Variants in SPRED2 observed in about 807,000 individuals in gnomAD.
The protein encoded by SPRED2 is sprouty-related, EVH1 domain-containing protein 2.
Under a neutral mutation model 43.0 loss-of-function variants are expected in SPRED2, and 47 were observed. That is an observed-to-expected ratio of 1.09 (90% confidence interval 0.87 to 1.40). The LOEUF (loss-of-function observed/expected upper bound fraction) is 1.40. Among genes scored for constraint, SPRED2 ranks in the 40% most tolerant of loss-of-function variants. The probability of loss-of-function intolerance (pLI) is 0.00; values close to 1 mark genes in which losing one functional copy is unlikely to be tolerated. For missense variants in SPRED2, 561 were observed against 586.4 expected (o/e 0.96, Z 0.45); for synonymous variants, 225 against 225.7 (o/e 1.00, Z 0.03).
intron 2 of SPRED2, chr2:65,344,210 T>G (rs1272524114): frequency 6.0e-6 from 1 of 166,664 alleles, no homozygotes; most frequent in East Asian, 1.7e-4. Context: ...TTACTTTCTT[T>G]TTCCAAGCAT....
chr2:65,401,570 C>T (rs1236331003), intron 1 of SPRED2, among the ~76,000 whole-genome samples: 1 of 151,350 alleles, frequency 6.6e-6, no homozygotes, highest in Non-Finnish European at 1.5e-5. Flanking sequence ...CTGAGGCGGG[C>T]AGATCATGAG....
At chr2:65,388,716 CCA>C (rs150586956) in intron 1 of SPRED2, among the ~76,000 whole-genome samples, 26 of 151,446 alleles carry the variant, frequency 1.7e-4, no homozygotes, top group African/African-American at 5.6e-4. Context: ...AACAGGCACA[CCA>C]CACACACACA....
chr2:65,417,760 T>TA (rs1261387405), intron 1 of SPRED2, among the ~76,000 whole-genome samples: 10 of 152,262 alleles, frequency 6.6e-5, no homozygotes, highest in African/African-American at 2.4e-4. Flanking sequence ...AAATTATGTG[T>TA]AAAAAAGAGG....
chr2:65,345,218 T>C (rs1462546949), intron 1 of SPRED2, among the ~76,000 whole-genome samples: 1 of 151,928 alleles, frequency 6.6e-6, no homozygotes, highest in East Asian at 1.9e-4. Context: ...TCAGTATCTT[T>C]AGGTTGGAAA....
At chr2:65,314,270 C>T (rs531117691) in intron 5 of SPRED2, 101 bp from the exon 6 acceptor site, 157 of 1,139,428 alleles carry the variant, frequency 1.4e-4, no homozygotes, top group Non-Finnish European at 1.8e-4. Flanking sequence ...CCAAAATGCA[C>T]CTTTCTCGAT....
intron 4 of SPRED2, among the ~76,000 whole-genome samples, chr2:65,318,247 A>G (rs930074695): frequency 6.6e-6 from 1 of 152,056 alleles, no homozygotes; most frequent in African/African-American, 2.4e-5. Context: ...AGCCATGCGG[A>G]ACTGTAAGTC....
intron 1 of SPRED2, among the ~76,000 whole-genome samples, chr2:65,381,742 T>G (rs558474420): frequency 2.0e-5 from 3 of 152,132 alleles, no homozygotes; most frequent in African/African-American, 7.2e-5. Flanking sequence ...AGCAGAGAGA[T>G]CTCACCGTGT....
intron 1 of SPRED2, among the ~76,000 whole-genome samples, chr2:65,396,894 G>C (rs1271371606): frequency 1.3e-5 from 2 of 152,178 alleles, no homozygotes; most frequent in African/African-American, 2.4e-5. Context: ...TTTCCAAGAG[G>C]CTATTCTAAA....
At position 65,378,078 on chromosome 2, in the gene SPRED2, C is replaced by T. The variant is rs1256952788; in HGVS notation, c.27-33182G>A. On this transcript the variant is annotated intron_variant, in intron 1 of 5. Coordinates refer to ENST00000356388, the MANE Select transcript of SPRED2 (RefSeq NM_181784.3). The stretch of plus-strand genomic sequence containing the variant: ...AGAGAGCCCATCCAGTAAACATCAG[C>T]TGAGCCAAATTCCATTGACACCTCT... 3 of 188,560 alleles carry T rather than the reference C, an allele frequency of 1.6e-5. No homozygotes were observed. In the East Asian group the frequency reaches 3.9e-4, roughly 24 times the overall value. 11.7% of individuals were successfully genotyped at this position (188,560 alleles called of 1,614,324 possible). A position where few individuals can be genotyped will look rare whatever the true frequency, so the allele number is the denominator to read the frequency against.
intron 1 of SPRED2, among the ~76,000 whole-genome samples, chr2:65,357,603 G>T (rs1383463731): frequency 6.6e-6 from 1 of 152,202 alleles, no homozygotes; most frequent in African/African-American, 2.4e-5. Flanking sequence ...TGGAGGATAA[G>T]TTATTCCTTA....
chr2:65,402,292 A>C (rs1385501184), intron 1 of SPRED2, among the ~76,000 whole-genome samples: 10 of 151,246 alleles, frequency 6.6e-5, no homozygotes, highest in Non-Finnish European at 1.3e-4. Context: ...AAAAAAAAAA[A>C]AAAAAAAAAA....
chr2:65,401,937 G>GCGCGCGCGCGCA lies in SPRED2; in HGVS notation c.26+30024_26+30025insTGCGCGCGCGCG, dbSNP rs776512353. Among the ~76,000 whole-genome samples, 210 of 114,740 alleles carry GCGCGCGCGCGCA rather than the reference G, an allele frequency of 1.8e-3. 1 individual carries two copies. Among genetic ancestry groups the GCGCGCGCGCGCA allele is most frequent in the African/African-American group, 6.1e-3 (181 of 29,612 alleles). The allele number at this position is 114,740 out of a possible 152,430, so 75.3% of individuals were successfully genotyped here. Reference sequence around the variant, plus strand: ...ACGATCAGAATATTAGCGCGCGCGCGCACACACACACACACACACACACAC... The same window carrying GCGCGCGCGCGCA: ...ACGATCAGAATATTAGCGCGCGCGCGCGCGCGCGCGCACACACACACACACACACACACACAC... On this transcript the variant is annotated intron_variant, in intron 1 of 5. Coordinates refer to ENST00000356388, the MANE Select transcript of SPRED2 (RefSeq NM_181784.3).
At chr2:65,314,278 G>C in intron 5 of SPRED2, 109 bp from the exon 6 acceptor site, 1 of 1,024,386 alleles carries the variant, frequency 9.8e-7, no homozygotes, top group South Asian at 1.7e-5. Flanking sequence ...CACCTTTCTC[G>C]ATAACTCCAT....
At chr2:65,326,418 G>A (rs1673618176) in intron 4 of SPRED2, among the ~76,000 whole-genome samples, 1 of 152,208 alleles carries the variant, frequency 6.6e-6, no homozygotes, top group Non-Finnish European at 1.5e-5. Flanking sequence ...GGAACAGGTA[G>A]CTCCGGCTCA....
intron 1 of SPRED2, among the ~76,000 whole-genome samples, chr2:65,357,530 C>T (rs986474129): frequency 2.0e-5 from 3 of 152,180 alleles, no homozygotes; most frequent in Non-Finnish European, 4.4e-5. Context: ...TGACAACCCC[C>T]GATCACACTT....
At chr2:65,377,782 TC>T (rs1229062109) in intron 1 of SPRED2, 3 of 458,432 alleles carry the variant, frequency 6.5e-6, no homozygotes, top group Non-Finnish European at 1.4e-5. Context: ...AAAGCGGCAG[TC>T]CTCAGCAGAG....
chr2:65,324,457 T>A (rs1292693693), intron 4 of SPRED2, among the ~76,000 whole-genome samples: 2 of 152,176 alleles, frequency 1.3e-5, no homozygotes, highest in Non-Finnish European at 2.9e-5. Context: ...TCAGCCTGAA[T>A]GGAGAAACGA....
At chr2:65,398,706 G>C (rs1260927790) in intron 1 of SPRED2, among the ~76,000 whole-genome samples, 1 of 152,148 alleles carries the variant, frequency 6.6e-6, no homozygotes, top group African/African-American at 2.4e-5. Flanking sequence ...ATAATCAAAA[G>C]ATCCAAAAAT....
chr2:65,404,760 TA>T (rs1370094010), intron 1 of SPRED2, among the ~76,000 whole-genome samples: 1 of 152,198 alleles, frequency 6.6e-6, no homozygotes, highest in Non-Finnish European at 1.5e-5. Context: ...TGTAGGTCTA[TA>T]AAAAACACGT....
Sources: allele counts gnomAD v4.1 joint callset (sites outside exome capture counted in the v4.1 genomes callset), GRCh38; gene constraint gnomAD v4.1.1; transcripts MANE v1.5; gene names NCBI Gene and HGNC (gene_info 2026-07-23, HGNC 2026-07-21).